UMAD1: variants seen among roughly 807,000 people sequenced by gnomAD.
The protein encoded by UMAD1 is UBAP1-MVB12-associated (UMA) domain containing 1, also known as UBAP1-MVB12-associated (UMA)-domain containing protein 1.
UMAD1 carries 8 observed loss-of-function variants against 6.1 expected under a neutral mutation model. That is an observed-to-expected ratio of 1.30 (90% CI 0.76 to 2.35). UMAD1 has a LOEUF of 2.35. UMAD1 is among the 30% of genes most tolerant of loss of function. UMAD1 has a pLI of 0.00. For synonymous variants in UMAD1, 56 were observed against 31.4 expected, an observed-to-expected ratio of 1.78 and a Z score of -2.61; for missense variants, 130 against 78.4, an observed-to-expected ratio of 1.66 and a Z score of -2.49.
intron 1 of UMAD1, among the ~76,000 whole-genome samples, chr7:7,646,029 A>C (rs1202806862): frequency 6.6e-6 from 1 of 152,138 alleles, no homozygotes; most frequent in Non-Finnish European, 1.5e-5. Context: ...GAGCAGGTGC[A>C]GGAGTTGGGG....
intron 1 of UMAD1, among the ~76,000 whole-genome samples, chr7:7,662,541 C>T (rs944077722): frequency 2.0e-5 from 3 of 152,154 alleles, no homozygotes; most frequent in Non-Finnish European, 2.9e-5. Flanking sequence ...CCGCACAGTC[C>T]CTCAAGGCTT....
At chr7:7,740,178 T>C (rs974648839) in intron 2 of UMAD1, among the ~76,000 whole-genome samples, 2 of 152,188 alleles carry the variant, frequency 1.3e-5, no homozygotes, top group Non-Finnish European at 2.9e-5. Flanking sequence ...TTTCTTCCTT[T>C]CCCCCTTTCT....
intron 2 of UMAD1, among the ~76,000 whole-genome samples, chr7:7,713,496 A>T (rs1490859622): frequency 6.7e-6 from 1 of 149,042 alleles, no homozygotes; most frequent in East Asian, 2.0e-4. Flanking sequence ...TTGTTTATTT[A>T]TTGCTTTACT....
chr7:7,641,121 T>A (rs1472912029), intron 1 of UMAD1: 1 of 152,466 alleles, frequency 6.6e-6, no homozygotes, highest in Non-Finnish European at 1.5e-5. Context: ...ACTTGTTGGC[T>A]GAGGGTCGAT....
At position 7,833,827 on chromosome 7, in the gene UMAD1, G is replaced by C. The variant is rs369835360; in HGVS notation, c.156+32084G>C. Among the ~76,000 whole-genome samples the C allele has an allele frequency of 6.8e-4, 104 of 152,110 alleles. 1 individual carries two copies. The highest frequency in any genetic ancestry group is 6.8e-3 in the Middle Eastern group (2 of 294). ...GTGGTTACTTTTTCAGGTTTTATTTGAAATACTTGAAATGAAGATGCCAGA... is the reference window on the plus strand; with the variant it reads ...GTGGTTACTTTTTCAGGTTTTATTTCAAATACTTGAAATGAAGATGCCAGA... On this transcript the variant is annotated intron_variant, in intron 3 of 3. Coordinates refer to ENST00000682710, the MANE Select transcript of UMAD1 (RefSeq NM_001302348.2).
At chr7:7,680,763 T>C (rs927959404) in intron 2 of UMAD1, among the ~76,000 whole-genome samples, 3 of 152,128 alleles carry the variant, frequency 2.0e-5, no homozygotes, top group African/African-American at 4.8e-5. Flanking sequence ...TCTTTCACTT[T>C]GGTTATATTT....
intron 1 of UMAD1, among the ~76,000 whole-genome samples, chr7:7,667,846 C>G (rs191836980): frequency 1.2e-3 from 178 of 152,246 alleles, no homozygotes; most frequent in African/African-American, 3.9e-3. Context: ...GTTTTGGTGC[C>G]AATAGAATTT....
chr7:7,647,997 C>T (rs550205017), intron 1 of UMAD1, among the ~76,000 whole-genome samples: 9 of 152,244 alleles, frequency 5.9e-5, no homozygotes, highest in African/African-American at 2.2e-4. Flanking sequence ...CGTTTTCCAT[C>T]CTATATCTCA....
intron 2 of UMAD1, among the ~76,000 whole-genome samples, chr7:7,778,263 TGTGTGTGTGTGTGAGA>T (rs1335392867): frequency 2.9e-5 from 4 of 135,778 alleles, no homozygotes; most frequent in African/African-American, 5.8e-5. Context: ...TGTGTGTGTG[TGTGTGTGTGTGTGAGA>T]GAGAGAGAGA....
intron 2 of UMAD1, among the ~76,000 whole-genome samples, chr7:7,693,519 T>A (rs1011280748): frequency 6.6e-6 from 1 of 152,158 alleles, no homozygotes; most frequent in East Asian, 1.9e-4. Context: ...ATGTCGATAG[T>A]TCTTTTATTC....
chr7:7,643,324 C>T (rs530371364), intron 1 of UMAD1, among the ~76,000 whole-genome samples: 3 of 152,320 alleles, frequency 2.0e-5, no homozygotes, highest in East Asian at 1.9e-4. Flanking sequence ...ATGTAACTCC[C>T]TAAAAACACT....
chr7:7,660,812 G>A (rs572216535), intron 1 of UMAD1, among the ~76,000 whole-genome samples: 2 of 152,116 alleles, frequency 1.3e-5, no homozygotes, highest in African/African-American at 2.4e-5. Context: ...TATCTTTGTG[G>A]TGTTCTCTGT....
intron 2 of UMAD1, among the ~76,000 whole-genome samples, chr7:7,791,286 T>C (rs1300434493): frequency 6.6e-6 from 1 of 152,228 alleles, no homozygotes; most frequent in Non-Finnish European, 1.5e-5. Context: ...GCAGAGCCTG[T>C]AGAGCCTGTT....
At chr7:7,763,415 C>G (rs2115234269) in intron 2 of UMAD1, among the ~76,000 whole-genome samples, 1 of 152,218 alleles carries the variant, frequency 6.6e-6, no homozygotes, top group South Asian at 2.1e-4. Flanking sequence ...CATTCTCCTC[C>G]CTCCTCCACC....
At chr7:7,809,425 G>A (rs1782982150) in intron 3 of UMAD1, among the ~76,000 whole-genome samples, 2 of 151,720 alleles carry the variant, frequency 1.3e-5, no homozygotes, top group South Asian at 2.1e-4. Flanking sequence ...ATTTTTAATG[G>A]ACAAGTAATA....
At chr7:7,711,112 T>G (rs1325249093) in intron 2 of UMAD1, among the ~76,000 whole-genome samples, 1 of 152,228 alleles carries the variant, frequency 6.6e-6, no homozygotes, top group East Asian at 1.9e-4. Context: ...ATGGAGATGT[T>G]CTGTATCTGG....
chr7:7,877,333 A>G lies in UMAD1; in HGVS notation c.209A>G (p.Asn70Ser). 1 of 717,560 alleles carries G rather than the reference A, an allele frequency of 1.4e-6. No individual in the cohort carries two copies. Among genetic ancestry groups the G allele is most frequent in the East Asian group, 2.7e-5 (1 of 37,302 alleles). 44.4% of individuals were successfully genotyped at this position (717,560 alleles called of 1,614,324 possible). The change falls in exon 4 of 4, where the codon AAT becomes AGT. Residue 70 changes from asparagine to serine, a missense_variant. Physicochemically the swap from Asn to Ser is conservative, Grantham distance 46 (BLOSUM62 1). Transcript: ENST00000682710. Reference protein sequence around the residue: ...SVTVSDPEMENKAGQTLENSS... With the variant: ...SVTVSDPEMESKAGQTLENSS... ...ACTGTATCAGACCCTGAGATGGAAA[A>G]TAAGGCAGGCCAGACTCTGGAGAAC...
intron 2 of UMAD1, among the ~76,000 whole-genome samples, chr7:7,702,843 A>G (rs1780494260): frequency 6.6e-6 from 1 of 152,138 alleles, no homozygotes; most frequent in Non-Finnish European, 1.5e-5. Context: ...GCTTAGAGAC[A>G]AGTCAACCAG....
chr7:7,685,364 C>T (rs1443205792), intron 2 of UMAD1, among the ~76,000 whole-genome samples: 1 of 148,666 alleles, frequency 6.7e-6, no homozygotes, highest in Non-Finnish European at 1.5e-5. Flanking sequence ...GGCTGGAGTG[C>T]AGTGGTGCCA....
Sources: gnomAD v4.1 joint callset for allele counts (sites outside exome capture counted in the v4.1 genomes callset) on GRCh38, gnomAD v4.1.1 for gene constraint, MANE v1.5 for transcripts, NCBI Gene and HGNC (gene_info 2026-07-23, HGNC 2026-07-21) for gene names.